FAM83B: variants seen among roughly 807,000 people sequenced by gnomAD.
FAM83B encodes protein FAM83B.
FAM83B carries 26 observed loss-of-function variants against 38.8 expected under a neutral mutation model. The ratio of observed to expected loss-of-function variants is 0.67; its 90% CI spans 0.49 to 0.93. The LOEUF (loss-of-function observed/expected upper bound fraction) is 0.93. Ranked by LOEUF, FAM83B falls within the 40% of genes least tolerant of loss-of-function variation. FAM83B has a pLI of 0.00. For missense variants in FAM83B, 1,237 were observed against 1,197.3 expected (o/e 1.03, Z -0.49); for synonymous variants, 419 against 423.1 (o/e 0.99, Z 0.12).
chr6:54,852,065 G>A (rs1411062251), intron 1 of FAM83B, among the ~76,000 whole-genome samples: 5 of 145,532 alleles, frequency 3.4e-5, no homozygotes, highest in African/African-American at 1.2e-4. Context: ...ACAGGTGTGA[G>A]CCACTGCGCC....
At chr6:54,930,361 C>A (rs1474908441) in intron 4 of FAM83B, among the ~76,000 whole-genome samples, 1 of 152,082 alleles carries the variant, frequency 6.6e-6, no homozygotes, top group African/African-American at 2.4e-5. Flanking sequence ...TTACAACCAA[C>A]CATCTATGAC....
intron 2 of FAM83B, among the ~76,000 whole-genome samples, chr6:54,871,825 G>A (rs1206457114): frequency 1.4e-5 from 2 of 145,610 alleles, no homozygotes; most frequent in East Asian, 4.0e-4. Context: ...TTTTAGTTAT[G>A]ACTATGTGAT....
chr6:54,912,821 C>A (rs879336318), intron 2 of FAM83B, among the ~76,000 whole-genome samples: 2 of 151,636 alleles, frequency 1.3e-5, no homozygotes, highest in African/African-American at 2.4e-5. Context: ...GCATAATTTA[C>A]GGAAGCTATT....
At chr6:54,897,376 T>G (rs1461897424) in intron 2 of FAM83B, among the ~76,000 whole-genome samples, 1 of 152,172 alleles carries the variant, frequency 6.6e-6, no homozygotes, top group Non-Finnish European at 1.5e-5. Flanking sequence ...GTTTAAATGT[T>G]ACAAATAGGA....
intron 1 of FAM83B, among the ~76,000 whole-genome samples, chr6:54,869,473 GT>G (rs930532992): frequency 7.3e-5 from 11 of 151,276 alleles, no homozygotes; most frequent in Admixed American, 6.6e-4. Context: ...AGCATGCCAG[GT>G]TTTTTTTTCT....
intron 2 of FAM83B, among the ~76,000 whole-genome samples, chr6:54,873,635 G>C (rs1336754181): frequency 6.6e-6 from 1 of 150,930 alleles, no homozygotes. Context: ...CATTGTAAAG[G>C]GATGATCTTT....
intron 1 of FAM83B, 47 bp downstream of exon 1, chr6:54,846,873 C>G (rs994390368): frequency 3.0e-4 from 45 of 151,442 alleles, no homozygotes; most frequent in African/African-American, 1.1e-3. Context: ...GCGGACGGGA[C>G]CCCAGCGGGT....
rs548481593 is a variant in FAM83B at position 54,935,266 on chromosome 6, T to A, written c.735-4440T>A. 2.8e-4 allele frequency among the ~76,000 whole-genome samples: 43 copies of A among 152,258 alleles called. No homozygotes were observed. The South Asian group carries it at 8.3e-3, about 29-fold the overall frequency. ...TCCTAAATAAGGTACACAAGATTGC[T>A]GAGCTAAATTTTATTTTAGTGGGCA... On this transcript the variant is annotated intron_variant, in intron 4 of 4. Coordinates refer to ENST00000306858, the MANE Select transcript of FAM83B (RefSeq NM_001010872.3).
At chr6:54,866,022 T>C (rs2127574232) in intron 1 of FAM83B, among the ~76,000 whole-genome samples, 1 of 151,602 alleles carries the variant, frequency 6.6e-6, no homozygotes, top group Non-Finnish European at 1.5e-5. Context: ...CATTACCTTA[T>C]TTATTCCTTA....
chr6:54,874,052 A>T lies in FAM83B; in HGVS notation c.444+3362A>T, dbSNP rs1771930064. Among the ~76,000 whole-genome samples, 3 of 152,094 alleles carry T rather than the reference A, an allele frequency of 2.0e-5. No homozygotes were observed. The South Asian group carries it at 6.2e-4, about 31-fold the overall frequency. On this transcript the variant is annotated intron_variant, in intron 2 of 4. Transcript: ENST00000306858. ...AATCTCAACTGTCTTTACTGGAAAG[A>T]GGTGAAACATTTTGTGTTTGTTTTT...
At chr6:54,881,833 A>G (rs561143018) in intron 2 of FAM83B, among the ~76,000 whole-genome samples, 1 of 152,298 alleles carries the variant, frequency 6.6e-6, no homozygotes, top group Admixed American at 6.5e-5. Flanking sequence ...TTACATATGT[A>G]TACATGTGCC....
intron 2 of FAM83B, among the ~76,000 whole-genome samples, chr6:54,925,065 A>C (rs957876118): frequency 3.3e-5 from 5 of 152,100 alleles, no homozygotes; most frequent in African/African-American, 4.8e-5. Flanking sequence ...CATTCCTGCT[A>C]TCTCGTTTCT....
At chr6:54,922,714 A>G (rs1429995935) in intron 2 of FAM83B, among the ~76,000 whole-genome samples, 1 of 152,066 alleles carries the variant, frequency 6.6e-6, no homozygotes, top group Non-Finnish European at 1.5e-5. Context: ...TCACAGATAA[A>G]ATTCGAGCAT....
chr6:54,884,241 G>C (rs2127578661), intron 2 of FAM83B, among the ~76,000 whole-genome samples: 1 of 148,046 alleles, frequency 6.8e-6, no homozygotes, highest in South Asian at 2.1e-4. Flanking sequence ...GGCGGAGGTT[G>C]CAGTGAGCTG....
intron 1 of FAM83B, among the ~76,000 whole-genome samples, chr6:54,862,132 C>T (rs892076588): frequency 1.3e-5 from 2 of 152,168 alleles, no homozygotes; most frequent in African/African-American, 4.8e-5. Flanking sequence ...GCACCAGTTT[C>T]CCCAGTTCTT....
chr6:54,851,713 T>A (rs2127571122), intron 1 of FAM83B, among the ~76,000 whole-genome samples: 1 of 136,666 alleles, frequency 7.3e-6, no homozygotes, highest in Admixed American at 7.4e-5. Flanking sequence ...AGTGGCGAGA[T>A]CTGGGCTCAC....
intron 2 of FAM83B, among the ~76,000 whole-genome samples, chr6:54,894,862 C>T (rs1772494242): frequency 1.3e-5 from 2 of 152,170 alleles, no homozygotes; most frequent in African/African-American, 2.4e-5. Flanking sequence ...AGCATGAACT[C>T]GGGATCCAGA....
At position 54,868,322 on chromosome 6, in the gene FAM83B, C is replaced by T. The variant is rs541866354; in HGVS notation, c.-60-1865C>T. 1.6e-4 allele frequency among the ~76,000 whole-genome samples: 24 copies of T among 152,152 alleles called. No individual in the cohort carries two copies. In the South Asian group the frequency reaches 3.9e-3, roughly 25 times the overall value. ...CTAATCATTAGATGCTAGTAGCCCTCCTCCGCACAAGTGATTCTATTTAAA... is the reference window on the plus strand; with the variant it reads ...CTAATCATTAGATGCTAGTAGCCCTTCTCCGCACAAGTGATTCTATTTAAA... On this transcript the variant is annotated intron_variant, in intron 1 of 4. Transcript: ENST00000306858.
At chr6:54,853,590 T>C (rs968205585) in intron 1 of FAM83B, among the ~76,000 whole-genome samples, 10 of 152,192 alleles carry the variant, frequency 6.6e-5, no homozygotes, top group African/African-American at 2.4e-4. Flanking sequence ...CACATCTGTT[T>C]ACAGCAAGGT....
Sources: allele counts gnomAD v4.1 joint callset (sites outside exome capture counted in the v4.1 genomes callset), GRCh38; gene constraint gnomAD v4.1.1; transcripts MANE v1.5; gene names NCBI Gene and HGNC (gene_info 2026-07-23, HGNC 2026-07-21).